PSME3: variants seen among roughly 807,000 people sequenced by gnomAD.
PSME3 encodes the protein proteasome activator subunit 3, also known as proteasome activator complex subunit 3.
Under a neutral mutation model 38.3 loss-of-function variants are expected in PSME3, and 7 were observed. That is an observed-to-expected ratio of 0.18 (90% CI 0.10 to 0.34). The LOEUF (loss-of-function observed/expected upper bound fraction) is 0.34, where lower values mean the gene tolerates loss of function less well. Ranked by LOEUF, PSME3 falls within the 10% of genes least tolerant of loss-of-function variation. The pLI, the probability that PSME3 is intolerant of heterozygous loss-of-function variation, is 1.00. For missense variants in PSME3, 192 were observed against 307.6 expected (o/e 0.62, Z 2.81); for synonymous variants, 108 against 105.7 (o/e 1.02, Z -0.13).
intron 7 of PSME3, 52 bp from the exon 8 acceptor site, chr17:42,838,893 T>C: frequency 6.2e-7 from 1 of 1,606,554 alleles, no homozygotes; most frequent in Non-Finnish European, 8.5e-7. Flanking sequence ...TTGGGGCTGC[T>C]GTGGATGACA....
intron 1 of PSME3, 120 bp downstream of exon 1, chr17:42,833,793 G>A: frequency 6.3e-7 from 1 of 1,594,314 alleles, no homozygotes; most frequent in Non-Finnish European, 8.5e-7. Context: ...CTTCCGCTCG[G>A]CTCAGCCCAG....
At chr17:42,839,223 G>A (rs2055501056) in intron 9 of PSME3, 57 bp downstream of exon 9, 1 of 1,562,526 alleles carries the variant, frequency 6.4e-7, no homozygotes, top group Non-Finnish European at 8.8e-7. Context: ...AAGAGTGACT[G>A]TTACTGGGAA....
intron 5 of PSME3, 61 bp downstream of exon 5, chr17:42,837,758 C>T: frequency 1.9e-6 from 3 of 1,538,638 alleles, no homozygotes; most frequent in Non-Finnish European, 2.7e-6. Flanking sequence ...CCCTGAGAAG[C>T]AGGATGGATC....
chr17:42,837,855 T>C, intron 5 of PSME3, 158 bp downstream of exon 5: 1 of 941,818 alleles, frequency 1.1e-6, no homozygotes, highest in Non-Finnish European at 1.6e-6. Context: ...TGTTATTGAG[T>C]GCTCTAAACC....
At position 42,833,616 on chromosome 17, in the gene PSME3, A is replaced by G; in HGVS notation, c.-16A>G. ...GCCTCCGGTGTCCAGAGGATCGGAC[A>G]CGGCCCGGCCCGGCCATGGCCTCGT... On this transcript the variant is annotated 5_prime_UTR_variant, in exon 1 of 11. Coordinates refer to ENST00000590720, the MANE Select transcript of PSME3 (RefSeq NM_005789.4). 1 of 1,614,222 alleles carries G rather than the reference A, an allele frequency of 6.2e-7. No homozygotes were observed. Among genetic ancestry groups the G allele is most frequent in the Non-Finnish European group, 8.5e-7 (1 of 1,180,028 alleles).
chr17:42,842,894 AT>A lies in PSME3; in HGVS notation c.*1321del, dbSNP rs1163854779. The A allele has an allele frequency of 1.3e-5, 2 of 152,596 alleles. No homozygotes were observed. Among genetic ancestry groups the A allele is most frequent in the Non-Finnish European group, 2.9e-5 (2 of 68,028 alleles). 9.5% of individuals were successfully genotyped at this position (152,596 alleles called of 1,614,324 possible). On this transcript the variant is annotated 3_prime_UTR_variant, in exon 11 of 11. Coordinates refer to ENST00000590720, the MANE Select transcript of PSME3 (RefSeq NM_005789.4). ...GACTCTTAGTGTCTGTTTCTGACTT[AT>A]TTTTCCTGTCTCTGTCTTCCAACCC...
Position 42,843,196 on chromosome 17 carries a change from A to G in PSME3, c.*1618A>G, listed in dbSNP as rs1050807860. The G allele has an allele frequency of 1.3e-5, 2 of 152,672 alleles. No individual in the cohort carries two copies. The highest frequency in any genetic ancestry group is 2.9e-5 in the Non-Finnish European group (2 of 68,032). The allele number at this position is 152,672 out of a possible 1,614,324, so 9.5% of individuals were successfully genotyped here. On this transcript the variant is annotated 3_prime_UTR_variant, in exon 11 of 11. Coordinates refer to ENST00000590720, the MANE Select transcript of PSME3 (RefSeq NM_005789.4). ...GATCGTAATGTAAAATTCTTTTACC[A>G]TGTCAAGAAATTATTAAAAATACAG...
chr17:42,841,572 G>A lies in PSME3; in HGVS notation c.759G>A (p.Leu253=). Residue 253 remains leucine (L), a synonymous_variant, in exon 11 of 11, where the codon CTG becomes CTA. Transcript: ENST00000590720. Reference sequence around the variant, plus strand: ...CCCGGAGCAGCAATGCAGAGACTCTGTACTGAGGCCAGGGCCAGGGCCAGG... The same window carrying A: ...CCCGGAGCAGCAATGCAGAGACTCTATACTGAGGCCAGGGCCAGGGCCAGG... ...KRPRSSNAET[L]Y is the part of the protein sequence containing the mutation. 4 of 1,603,032 alleles carry A rather than the reference G, an allele frequency of 2.5e-6. No homozygotes were observed. The highest frequency in any genetic ancestry group is 1.7e-6 in the Non-Finnish European group (2 of 1,173,672).
intron 1 of PSME3, chr17:42,834,037 G>A: frequency 6.9e-7 from 1 of 1,439,866 alleles, no homozygotes. Flanking sequence ...GGGTTGGCAC[G>A]TTTGTGAGCT....
Position 42,833,682 on chromosome 17 carries a change from A to G in PSME3, c.42+9A>G, listed in dbSNP as rs1278129391. On this transcript the variant is annotated intron_variant, in intron 1 of 10. Transcript: ENST00000590720. ...AGGAAGTGAAGCTCAAGGTAGCGGCACCGGTCCGGCCTTTTTGCCCCTCGC... is the reference window on the plus strand; with the variant it reads ...AGGAAGTGAAGCTCAAGGTAGCGGCGCCGGTCCGGCCTTTTTGCCCCTCGC... 6 of 1,614,106 alleles carry G rather than the reference A, an allele frequency of 3.7e-6. No homozygotes were observed. The highest frequency in any genetic ancestry group is 3.3e-5 in the Admixed American group (2 of 60,026).
Position 42,839,133 on chromosome 17 carries a change from A to G in PSME3, c.564A>G (p.Lys188=), listed in dbSNP as rs2055499575. ...CCAGATATTATATTACAAGAGCCAA[A>G]TTGGTTTCTAAAATAGCTAAATATC... is the stretch of plus-strand genomic sequence containing the variant. ...QISRYYITRA[K]LVSKIAKYPH... is the part of the protein sequence containing the mutation. Residue 188 remains lysine, a synonymous_variant, in exon 9 of 11, where the codon AAA becomes AAG. Transcript: ENST00000590720. 2 of 1,591,486 alleles carry G rather than the reference A, an allele frequency of 1.3e-6. No homozygotes were observed. The highest frequency in any genetic ancestry group is 1.7e-6 in the Non-Finnish European group (2 of 1,159,440).
chr17:42,833,470 CG>C lies in PSME3; in HGVS notation c.-159del. The C allele has an allele frequency of 2.5e-6, 2 of 787,304 alleles. No homozygotes were observed. Among genetic ancestry groups the C allele is most frequent in the Non-Finnish European group, 4.0e-6 (2 of 497,606 alleles). The allele number at this position is 787,304 out of a possible 1,614,324, so 48.8% of individuals were successfully genotyped here. A position where few individuals can be genotyped will look rare whatever the true frequency, so the allele number is the denominator to read the frequency against. On this transcript the variant is annotated 5_prime_UTR_variant, in exon 1 of 11. Transcript: ENST00000590720. Reference sequence around the variant, plus strand: ...AAGCAGGCAGCAGGCTGCCGGCGGGCGGGCGGACGGCACAGAGGGAGGGAGC... The same window carrying C: ...AAGCAGGCAGCAGGCTGCCGGCGGGCGGCGGACGGCACAGAGGGAGGGAGC...
At chr17:42,834,441 A>AGG in intron 2 of PSME3, 65 bp downstream of exon 2, 1 of 1,139,644 alleles carries the variant, frequency 8.8e-7, no homozygotes. Context: ...ATACCTGGAG[A>AGG]GAGAGAGAGA....
intron 9 of PSME3, 36 bp from the exon 10 acceptor site, chr17:42,839,258 T>C: frequency 6.3e-7 from 1 of 1,589,346 alleles, no homozygotes; most frequent in Non-Finnish European, 8.6e-7. Flanking sequence ...ACAATTGGGC[T>C]TTGGGGACTA....
chr17:42,838,631 T>C, intron 6 of PSME3, 100 bp from the exon 7 acceptor site: 18 of 1,170,038 alleles, frequency 1.5e-5, no homozygotes, highest in Non-Finnish European at 1.8e-5. Flanking sequence ...CTAGGTATTT[T>C]GACTTCTGTG....
chr17:42,834,460 G>GAA, intron 2 of PSME3, 55 bp from the exon 3 acceptor site: 3 of 1,608,704 alleles, frequency 1.9e-6, no homozygotes, highest in African/African-American at 2.7e-5. Context: ...GAGAGAGAGA[G>GAA]AGAGAGAGAC....
chr17:42,841,151 A>T (rs1304454902), intron 10 of PSME3, among the ~76,000 whole-genome samples: 1 of 152,066 alleles, frequency 6.6e-6, no homozygotes, highest in Non-Finnish European at 1.5e-5. Context: ...AAAAAAAAAA[A>T]AATACAGTAA....
rs918720757 is a variant in PSME3, at chr17:42,840,312, T to A, written c.684+932T>A. On this transcript the variant is annotated intron_variant, in intron 10 of 10. Coordinates refer to ENST00000590720, the MANE Select transcript of PSME3 (RefSeq NM_005789.4). ...TAAAAATAAATAAAATAAAATAAAA[T>A]GGGACTGAAGAGGCCGGGTGTGGTG... is the stretch of plus-strand genomic sequence containing the variant. Among the ~76,000 whole-genome samples, 3 of 146,406 alleles carry A rather than the reference T, an allele frequency of 2.0e-5. No homozygotes were observed. The Admixed American group carries it at 2.1e-4, about 10-fold the overall frequency.
At chr17:42,834,660 T>A (rs2055440577) in intron 3 of PSME3, 83 bp downstream of exon 3, 6 of 1,599,804 alleles carry the variant, frequency 3.8e-6, no homozygotes, top group South Asian at 3.4e-5. Context: ...TGTTGATTCT[T>A]CTTCTTTTTA....
Sources: gnomAD v4.1 joint callset for allele counts (sites outside exome capture counted in the v4.1 genomes callset) on GRCh38, gnomAD v4.1.1 for gene constraint, MANE v1.5 for transcripts, NCBI Gene and HGNC (gene_info 2026-07-23, HGNC 2026-07-21) for gene names.